The following PHF20 variants were observed in gnomAD, a reference collection of about 807,000 sequenced individuals.
The protein encoded by PHF20 is glioma-expressed antigen 2.
PHF20 carries 23 observed loss-of-function variants against 113.5 expected under a neutral mutation model. The ratio of observed to expected loss-of-function variants is 0.20; its 90% CI spans 0.15 to 0.29. PHF20 has a LOEUF of 0.29. Ranked by LOEUF, PHF20 falls within the 10% of genes least tolerant of loss-of-function variation. PHF20 has a pLI of 1.00. For synonymous variants in PHF20, 434 were observed against 457.3 expected (o/e 0.95, Z 0.65); for missense variants, 943 against 1,219.6 (o/e 0.77, Z 3.38).
At chr20:35,799,492 T>C (rs1274668713) in intron 1 of PHF20, among the ~76,000 whole-genome samples, 1 of 151,462 alleles carries the variant, frequency 6.6e-6, no homozygotes, top group Non-Finnish European at 1.5e-5. Flanking sequence ...GTCCAGAGTT[T>C]AGTGGGAGGA....
chr20:35,821,404 C>T (rs1331978966), intron 2 of PHF20, among the ~76,000 whole-genome samples: 1 of 147,174 alleles, frequency 6.8e-6, no homozygotes, highest in African/African-American at 2.5e-5. Flanking sequence ...CACTGCATTC[C>T]AGTCTAGGCA....
At chr20:35,914,945 C>T (rs1293205594) in intron 12 of PHF20, among the ~76,000 whole-genome samples, 2 of 118,956 alleles carry the variant, frequency 1.7e-5, no homozygotes, top group Admixed American at 2.0e-4. Context: ...GCCTGGGTGA[C>T]AAAGCCAGAC....
intron 9 of PHF20, among the ~76,000 whole-genome samples, chr20:35,897,872 T>G (rs1006413743): frequency 2.4e-4 from 36 of 147,994 alleles, no homozygotes; most frequent in Admixed American, 6.7e-4. Flanking sequence ...CGGTGTTTTT[T>G]TTTTGTTTTG....
intron 17 of PHF20, among the ~76,000 whole-genome samples, chr20:35,945,515 G>A (rs574218778): frequency 2.6e-5 from 4 of 152,306 alleles, no homozygotes; most frequent in African/African-American, 9.6e-5. Flanking sequence ...AGGTAGGGCT[G>A]CATCTGAGGA....
intron 1 of PHF20, among the ~76,000 whole-genome samples, chr20:35,795,910 G>C (rs540182999): frequency 7.2e-5 from 11 of 152,004 alleles, no homozygotes; most frequent in Non-Finnish European, 1.5e-5. Flanking sequence ...GAGTGCAGTC[G>C]TGTGATCTCA....
At chr20:35,831,902 T>C (rs563551979) in intron 2 of PHF20, among the ~76,000 whole-genome samples, 3 of 152,300 alleles carry the variant, frequency 2.0e-5, no homozygotes, top group Admixed American at 6.5e-5. Context: ...ATAATATTCT[T>C]CATCCCTCAT....
intron 9 of PHF20, among the ~76,000 whole-genome samples, chr20:35,883,625 A>G (rs1241780077): frequency 2.0e-5 from 3 of 152,162 alleles, no homozygotes; most frequent in Admixed American, 2.0e-4. Context: ...TATTTTTTGT[A>G]GAGACAGGGT....
chr20:35,830,208 C>T (rs1407933687), intron 2 of PHF20, among the ~76,000 whole-genome samples: 1 of 152,194 alleles, frequency 6.6e-6, no homozygotes, highest in East Asian at 1.9e-4. Flanking sequence ...GCCACCGTGC[C>T]CGGCCTGATT....
At chr20:35,808,322 G>C (rs559139262) in intron 2 of PHF20, among the ~76,000 whole-genome samples, 1 of 152,156 alleles carries the variant, frequency 6.6e-6, no homozygotes, top group South Asian at 2.1e-4. Context: ...TTAAATGACA[G>C]TGATGATAGC....
rs117770827 is a variant in PHF20 at position 35,780,114 on chromosome 20, C to T, written c.-33+8035C>T. ...CTTACATCCCTCTCTCTCTAGCTAACGTGCTTTTTCCCCTAGAAATTTGAG... is the reference window on the plus strand; with the variant it reads ...CTTACATCCCTCTCTCTCTAGCTAATGTGCTTTTTCCCCTAGAAATTTGAG... On this transcript the variant is annotated intron_variant, in intron 1 of 17. Coordinates refer to ENST00000374012, the MANE Select transcript of PHF20 (RefSeq NM_016436.5). Among the ~76,000 whole-genome samples, 59 of 152,108 alleles carry T rather than the reference C, an allele frequency of 3.9e-4. No homozygotes were observed. The East Asian group carries it at 8.9e-3, about 23-fold the overall frequency.
chr20:35,937,327 G>T (rs1297631814), intron 15 of PHF20, among the ~76,000 whole-genome samples: 2 of 151,988 alleles, frequency 1.3e-5, no homozygotes, highest in East Asian at 3.9e-4. Context: ...AATTAGCTGG[G>T]CATGGTGACG....
intron 2 of PHF20, among the ~76,000 whole-genome samples, chr20:35,830,622 T>A (rs1380904888): frequency 1.3e-5 from 2 of 152,206 alleles, no homozygotes. Flanking sequence ...TTTGGATATA[T>A]ACCCAGAAGT....
chr20:35,847,493 T>A, intron 4 of PHF20, 59 bp downstream of exon 4: 2 of 1,035,530 alleles, frequency 1.9e-6, no homozygotes, highest in Non-Finnish European at 3.0e-6. Context: ...GGGGGGATGT[T>A]TGTAATATCA....
At chr20:35,875,835 G>A (rs946027466) in intron 9 of PHF20, among the ~76,000 whole-genome samples, 1 of 152,162 alleles carries the variant, frequency 6.6e-6, no homozygotes, top group African/African-American at 2.4e-5. Flanking sequence ...TAAGTGAGGA[G>A]ACTAGATTAG....
At chr20:35,780,260 T>C (rs1387349769) in intron 1 of PHF20, among the ~76,000 whole-genome samples, 1 of 145,224 alleles carries the variant, frequency 6.9e-6, no homozygotes, top group Non-Finnish European at 1.5e-5. Context: ...GAGTCTCACA[T>C]TGTTGCCCAG....
chr20:35,875,182 G>A (rs1360305295), intron 9 of PHF20, among the ~76,000 whole-genome samples: 2 of 152,014 alleles, frequency 1.3e-5, no homozygotes, highest in Admixed American at 1.3e-4. Flanking sequence ...CAGATCATTT[G>A]AGGTCAGGAA....
chr20:35,930,624 T>C (rs1318711806), intron 14 of PHF20, among the ~76,000 whole-genome samples: 1 of 152,022 alleles, frequency 6.6e-6, no homozygotes, highest in Admixed American at 6.6e-5. Flanking sequence ...CAGTGAGCCA[T>C]GATCATGCCA....
chr20:35,822,287 G>A (rs1167721127), intron 2 of PHF20, among the ~76,000 whole-genome samples: 3 of 152,034 alleles, frequency 2.0e-5, no homozygotes, highest in African/African-American at 7.2e-5. Flanking sequence ...GCATGGTGGT[G>A]TGAGCTTGTG....
rs1379781480 is a variant in PHF20, at chr20:35,871,049, C to T, written c.1017C>T (p.Ile339=). The T allele has an allele frequency of 6.2e-7, 1 of 1,613,396 alleles. No individual in the cohort carries two copies. Among genetic ancestry groups the T allele is most frequent in the East Asian group, 2.2e-5 (1 of 44,850 alleles). The change falls in exon 8 of 18, where the codon ATC becomes ATT. Residue 339 remains isoleucine, a synonymous_variant. Transcript: ENST00000374012. The part of the protein sequence containing the change: ...SRLSTNGTHE[I]LDPDLVVSDL... Reference sequence around the variant, plus strand: ...TGTCCACTAATGGGACCCATGAGATCCTAGATCCTGACTTGGTTGTATCAG... The same window carrying T: ...TGTCCACTAATGGGACCCATGAGATTCTAGATCCTGACTTGGTTGTATCAG...
Sources: gnomAD v4.1 joint callset for allele counts (sites outside exome capture counted in the v4.1 genomes callset) on GRCh38, gnomAD v4.1.1 for gene constraint, MANE v1.5 for transcripts, NCBI Gene and HGNC (gene_info 2026-07-23, HGNC 2026-07-21) for gene names.